The following FAM186A variants were observed in gnomAD, a reference collection of about 807,000 sequenced individuals.
FAM186A encodes the protein protein FAM186A.
FAM186A carries 163 observed loss-of-function variants against 216.8 expected under a neutral mutation model. The ratio of observed to expected loss-of-function variants is 0.75; its 90% CI spans 0.66 to 0.86. The LOEUF (loss-of-function observed/expected upper bound fraction) is 0.86. Among genes scored for constraint, FAM186A ranks in the 40% least tolerant of loss-of-function variants. The pLI, the probability that FAM186A is intolerant of heterozygous loss-of-function variation, is 0.00. For synonymous variants in FAM186A, 805 were observed against 1,025.3 expected (o/e 0.79, Z 4.10); for missense variants, 2,184 against 2,746.2 (o/e 0.80, Z 4.58).
intron 1 of FAM186A, among the ~76,000 whole-genome samples, chr12:50,376,286 T>C (rs1429219507): frequency 6.6e-6 from 1 of 152,172 alleles, no homozygotes; most frequent in Non-Finnish European, 1.5e-5. Context: ...AGTTCCTGTC[T>C]CATGTCTAGG....
chr12:50,386,215 G>A (rs1943301912), intron 1 of FAM186A, among the ~76,000 whole-genome samples: 1 of 151,474 alleles, frequency 6.6e-6, no homozygotes, highest in Admixed American at 6.6e-5. Context: ...GATCACCTGA[G>A]GTCAGGAGAT....
In FAM186A at chr12:50,339,175, C is replaced by G. The variant is rs114585314; in HGVS notation, c.6504-5072G>C. Among the ~76,000 whole-genome samples, 1,377 of 151,834 alleles carry G rather than the reference C, an allele frequency of 9.1e-3. 16 individuals are homozygous for G. Among genetic ancestry groups the G allele is most frequent in the African/African-American group, 0.032 (1,328 of 41,402 alleles). On this transcript the variant is annotated intron_variant, in intron 4 of 7. Coordinates refer to ENST00000327337, the MANE Select transcript of FAM186A (RefSeq NM_001145475.3). ...GACCACAGGCATACATACCACCACG[C>G]CTGGCTAATTTTTATAATTTTTGTA...
At chr12:50,364,110 T>C (rs1943064314) in intron 1 of FAM186A, among the ~76,000 whole-genome samples, 1 of 152,162 alleles carries the variant, frequency 6.6e-6, no homozygotes, top group Non-Finnish European at 1.5e-5. Flanking sequence ...TACTAAGGAA[T>C]GCTAGCCCAC....
In FAM186A at chr12:50,334,095, AT is replaced by A; in HGVS notation, c.6511del (p.Ile2171Ter). 1 of 1,537,664 alleles carries A rather than the reference AT, an allele frequency of 6.5e-7. No homozygotes were observed. Among genetic ancestry groups the A allele is most frequent in the Non-Finnish European group, 8.8e-7 (1 of 1,142,694 alleles). ...TTGGATGGCTTTTAGTCGTTTCATT[AT>A]GTTGTTCCTTGAAAAGATTAATAAA... ...YRLIQHARNN[I>X]MKRLKAIQNT... On this transcript the variant is annotated frameshift_variant, in exon 5 of 8. Coordinates refer to ENST00000327337, the MANE Select transcript of FAM186A (RefSeq NM_001145475.3). LOFTEE classifies it high-confidence loss of function.
At chr12:50,381,454 G>A (rs1396385437) in intron 1 of FAM186A, among the ~76,000 whole-genome samples, 1 of 152,042 alleles carries the variant, frequency 6.6e-6, no homozygotes, top group Non-Finnish European at 1.5e-5. Flanking sequence ...GTGTCCAGCT[G>A]TCAGCAGAGA....
chr12:50,359,312 CACTTGAA>C (rs1481568244), intron 3 of FAM186A, among the ~76,000 whole-genome samples: 2 of 152,004 alleles, frequency 1.3e-5, no homozygotes, highest in African/African-American at 4.8e-5. Context: ...GCAGGAGAAT[CACTTGAA>C]CCCGGGAGGT....
Position 50,386,256 on chromosome 12 carries a change from C to T in FAM186A, c.192+10037G>A, listed in dbSNP as rs138235661. ...TCAGCCTGGCCAACATGGCGAAACCCTGTCTCCACTAAAAATACAACAATT... is the reference window on the plus strand; with the variant it reads ...TCAGCCTGGCCAACATGGCGAAACCTTGTCTCCACTAAAAATACAACAATT... On this transcript the variant is annotated intron_variant, in intron 1 of 7. Transcript: ENST00000327337. Among the ~76,000 whole-genome samples the T allele has an allele frequency of 8.3e-3, 1,254 of 151,948 alleles. 17 individuals carry two copies. The highest frequency in any genetic ancestry group is 0.029 in the African/African-American group (1,184 of 41,468).
chr12:50,330,600 C>G lies in FAM186A; in HGVS notation c.7007G>C (p.Arg2336Pro), dbSNP rs1223115458. 6.4e-7 allele frequency: 1 copy of G among 1,550,534 alleles called. No individual in the cohort carries two copies. Among genetic ancestry groups the G allele is most frequent in the South Asian group, 1.2e-5 (1 of 83,626 alleles). ...TGATTGGAGGGATGCAAGAGATTTT[C>G]GGAAGGTAGACTGCACTTCTAACTG... ...LLQLEVQSTF[R>P]KSLASLQSRV... The change falls in exon 7 of 8, where the codon CGA becomes CCA. Residue 2336 changes from arginine to proline, a missense_variant. Arg to Pro is a moderately radical substitution (Grantham distance 103, BLOSUM62 -2). Around this residue, in one of 7 missense-constraint regions of FAM186A, gnomAD observed 721 missense variants for 816.4 expected, o/e 0.88. Coordinates refer to ENST00000327337, the MANE Select transcript of FAM186A (RefSeq NM_001145475.3).
In FAM186A at chr12:50,356,232, T is replaced by G. The variant is rs1176649458; in HGVS notation, c.600A>C (p.Leu200=). The G allele has an allele frequency of 6.5e-7, 1 of 1,549,306 alleles. No individual in the cohort carries two copies. Among genetic ancestry groups the G allele is most frequent in the East Asian group, 2.4e-5 (1 of 40,910 alleles). The change falls in exon 4 of 8, where the codon CTA becomes CTC. Residue 200 remains leucine, a synonymous_variant. Coordinates refer to ENST00000327337, the MANE Select transcript of FAM186A (RefSeq NM_001145475.3). ...TAACTCTTTCTTTCCAAGATTTCCA[T>G]AGAGTACCTCTAGATACTGAAGAAC... ...QKKKILSRGT[L]WKSWKERVIK... is the part of the protein sequence containing the mutation.
At chr12:50,327,613 C>T (rs1942618476) in intron 7 of FAM186A, among the ~76,000 whole-genome samples, 1 of 150,422 alleles carries the variant, frequency 6.6e-6, no homozygotes, top group East Asian at 2.0e-4. Flanking sequence ...GCCATCTCAG[C>T]TCACTGCAAC....
chr12:50,352,658 C>T lies in FAM186A; in HGVS notation c.4174G>A (p.Ala1392Thr). Reference protein sequence around the residue: ...ELGIPLTPQQAQALGMPLTTQ... With the variant: ...ELGIPLTPQQTQALGMPLTTQ... Reference sequence around the variant, plus strand: ...GTGAGAGGCATCCCCAAGGCCTGAGCCTGCTGAGGGGTGAGAGGGATCCCC... The same window carrying T: ...GTGAGAGGCATCCCCAAGGCCTGAGTCTGCTGAGGGGTGAGAGGGATCCCC... Residue 1392 changes from alanine (A) to threonine (T), a missense_variant, in exon 4 of 8, where the codon GCT (alanine) becomes ACT (threonine). Transcript: ENST00000327337. The T allele has an allele frequency of 6.5e-7, 1 of 1,533,930 alleles. No homozygotes were observed. The highest frequency in any genetic ancestry group is 8.8e-7 in the Non-Finnish European group (1 of 1,138,514).
chr12:50,343,202 G>A (rs371992567), intron 4 of FAM186A, among the ~76,000 whole-genome samples: 2 of 151,914 alleles, frequency 1.3e-5, no homozygotes, highest in South Asian at 2.1e-4. Flanking sequence ...GCAACATAGC[G>A]AGACCCTATC....
Position 50,327,311 on chromosome 12 carries a change from A to G in FAM186A, c.*72T>C, listed in dbSNP as rs1942614882. 1 of 1,273,944 alleles carries G rather than the reference A, an allele frequency of 7.8e-7. No individual in the cohort carries two copies. Among genetic ancestry groups the G allele is most frequent in the Non-Finnish European group, 1.1e-6 (1 of 895,068 alleles). 78.9% of individuals were successfully genotyped at this position (1,273,944 alleles called of 1,614,324 possible). On this transcript the variant is annotated 3_prime_UTR_variant, in exon 8 of 8. Transcript: ENST00000327337. ...AGACAAAGCAATATATACGCATGAA[A>G]GAGAACAAAATAGGCATTTTACTGA...
Position 50,363,157 on chromosome 12 carries a change from A to G in FAM186A, c.400T>C (p.Leu134=), listed in dbSNP as rs1457492053. ...EKTLANILAW[L]EEWNDVLSEM... Reference sequence around the variant, plus strand: ...TCTGTAAACTTACTCCATTCTTCCAACCAGGCCAGAATGTTGGCAAGAGTC... The same window carrying G: ...TCTGTAAACTTACTCCATTCTTCCAGCCAGGCCAGAATGTTGGCAAGAGTC... Residue 134 remains leucine, a synonymous_variant, in exon 2 of 8, where the codon TTG becomes CTG. Coordinates refer to ENST00000327337, the MANE Select transcript of FAM186A (RefSeq NM_001145475.3). 3 of 1,548,464 alleles carry G rather than the reference A, an allele frequency of 1.9e-6. No individual in the cohort carries two copies. The highest frequency in any genetic ancestry group is 2.4e-5 in the East Asian group (1 of 40,856).
Position 50,327,666 on chromosome 12 carries a change from C to G in FAM186A, c.7035-262G>C, listed in dbSNP as rs574294398. ...AAGCAATCCTCCCACCTCAGCCTCCCAAGTAGCAGGGACCACAGGTGCACA... is the reference window on the plus strand; with the variant it reads ...AAGCAATCCTCCCACCTCAGCCTCCGAAGTAGCAGGGACCACAGGTGCACA... On this transcript the variant is annotated intron_variant, in intron 7 of 7. Transcript: ENST00000327337. 1.9e-4 allele frequency among the ~76,000 whole-genome samples: 29 copies of G among 152,010 alleles called. No homozygotes were observed. In the South Asian group the frequency reaches 5.6e-3, roughly 30 times the overall value.
At chr12:50,346,459 G>A (rs1181012819) in intron 4 of FAM186A, among the ~76,000 whole-genome samples, 1 of 151,984 alleles carries the variant, frequency 6.6e-6, no homozygotes, top group East Asian at 1.9e-4. Context: ...TCCTGACCTT[G>A]GGTGATCTGC....
In FAM186A at chr12:50,355,447, T is replaced by C; in HGVS notation, c.1385A>G (p.His462Arg). The change falls in exon 4 of 8, where the codon CAC becomes CGC. Residue 462 changes from histidine to arginine, a missense_variant. His to Arg is a conservative substitution (Grantham distance 29, BLOSUM62 0). Around this residue, in one of 7 missense-constraint regions of FAM186A, gnomAD observed 1,132 missense variants for 1,263.4 expected, o/e 0.90. Transcript: ENST00000327337. ...CTCATATACATATGTGGCTTTTTTG[T>C]GGCTTCTTTTCCATGATTGATACTC... ...TDEYQSWKRS[H>R]KKATYVYETS... 1.3e-6 allele frequency: 2 copies of C among 1,550,958 alleles called. No individual in the cohort carries two copies. The highest frequency in any genetic ancestry group is 1.7e-6 in the Non-Finnish European group (2 of 1,146,832).
intron 5 of FAM186A, 26 bp downstream of exon 5, chr12:50,333,885 G>C (rs773841848): frequency 5.8e-6 from 9 of 1,542,890 alleles, no homozygotes; most frequent in Non-Finnish European, 7.9e-6. Flanking sequence ...CAACATGCTG[G>C]ACAGAGGGAG....
At position 50,391,652 on chromosome 12, in the gene FAM186A, C is replaced by T. The variant is rs192047920; in HGVS notation, c.192+4641G>A. ...TGACAGTCTCACTGTCTCCAGTCAC[C>T]TAGGCTGGAGTGCAGTGGCTCGATC... On this transcript the variant is annotated intron_variant, in intron 1 of 7. Transcript: ENST00000327337. Among the ~76,000 whole-genome samples the T allele has an allele frequency of 5.4e-3, 827 of 152,168 alleles. 1 individual carries two copies. The highest frequency in any genetic ancestry group is 8.8e-3 in the Non-Finnish European group (601 of 68,006).
Sources: allele counts gnomAD v4.1 joint callset (sites outside exome capture counted in the v4.1 genomes callset), GRCh38; gene constraint gnomAD v4.1.1; regional missense constraint gnomAD v4.1.1; transcripts MANE v1.5; gene names NCBI Gene and HGNC (gene_info 2026-07-23, HGNC 2026-07-21).